The following SORCS2 variants were observed in gnomAD, a reference collection of about 807,000 sequenced individuals.
The protein encoded by SORCS2 is sortilin related VPS10 domain containing receptor 2.
A neutral mutation model predicts 141.6 loss-of-function variants in SORCS2; 100 were observed. The observed-to-expected ratio is 0.71, with a 90% CI of 0.60 to 0.83. SORCS2 has a LOEUF of 0.83. SORCS2 is among the 40% of genes least tolerant of loss of function. The pLI, the probability that SORCS2 is intolerant of heterozygous loss-of-function variation, is 0.00. For missense variants in SORCS2, 1,646 were observed against 1,560.2 expected (o/e 1.05, Z -0.93); for synonymous variants, 789 against 676.9 (o/e 1.17, Z -2.57).
intron 15 of SORCS2, among the ~76,000 whole-genome samples, chr4:7,713,982 T>C (rs139301770): frequency 1.8e-4 from 28 of 152,288 alleles, no homozygotes; most frequent in Non-Finnish European, 2.6e-4. Flanking sequence ...GGGCTGCACT[T>C]CCAGCAGCTC....
At chr4:7,379,737 TG>T (rs1212217923) in intron 1 of SORCS2, among the ~76,000 whole-genome samples, 8 of 152,158 alleles carry the variant, frequency 5.3e-5, no homozygotes, top group African/African-American at 1.9e-4. Context: ...AGGGACTCAC[TG>T]GGAAATATGT....
intron 2 of SORCS2, among the ~76,000 whole-genome samples, chr4:7,403,976 TA>T (rs1560256607): frequency 0.039 from 269 of 6,850 alleles, 12 homozygotes; most frequent in Non-Finnish European, 0.069. Context: ...TATATATATA[TA>T]TATATATATA....
chr4:7,531,220 G>C lies in SORCS2; in HGVS notation c.549-310G>C, dbSNP rs183215194. Among the ~76,000 whole-genome samples the C allele has an allele frequency of 6.2e-4, 95 of 152,356 alleles. No homozygotes were observed. In the South Asian group the frequency reaches 0.013, roughly 21 times the overall value. On this transcript the variant is annotated intron_variant, in intron 2 of 26. Coordinates refer to ENST00000507866, the MANE Select transcript of SORCS2 (RefSeq NM_020777.3). ...GAGATGCATGTGGTAACCTAGAGCT[G>C]CCCGGCTCATAGGAGGCATGGGGGA...
chr4:7,686,644 C>T (rs1157999448), intron 10 of SORCS2, among the ~76,000 whole-genome samples: 2 of 152,212 alleles, frequency 1.3e-5, no homozygotes, highest in African/African-American at 2.4e-5. Context: ...GCACCCAAGG[C>T]GGGTTCTGGG....
intron 1 of SORCS2, among the ~76,000 whole-genome samples, chr4:7,288,501 G>A (rs1270825291): frequency 7.3e-6 from 1 of 137,318 alleles, no homozygotes; most frequent in East Asian, 2.4e-4. Flanking sequence ...CGTCTGGTGA[G>A]GACATCTTCC....
rs1391510974 is a variant in SORCS2, at chr4:7,664,267, A to G, written c.953-86A>G. On this transcript the variant is annotated intron_variant, in intron 6 of 26. Coordinates refer to ENST00000507866, the MANE Select transcript of SORCS2 (RefSeq NM_020777.3). This position sits in a 1 kb window ranked among gnomAD's most constrained non-coding sequence, Gnocchi z 4.7. Reference sequence around the variant, plus strand: ...TGAAGCCACACCACAGCGGTATTGGAGGAAGATGGAGTCCAGCACATGTCT... The same window carrying G: ...TGAAGCCACACCACAGCGGTATTGGGGGAAGATGGAGTCCAGCACATGTCT... The G allele has an allele frequency of 2.9e-6, 3 of 1,047,146 alleles. No homozygotes were observed. In the Admixed American group the frequency reaches 6.4e-5, roughly 22 times the overall value. 64.9% of individuals were successfully genotyped at this position (1,047,146 alleles called of 1,614,324 possible). A position where few individuals can be genotyped will look rare whatever the true frequency, so the allele number is the denominator to read the frequency against.
At chr4:7,246,407 A>G (rs1713091450) in intron 1 of SORCS2, among the ~76,000 whole-genome samples, 1 of 151,954 alleles carries the variant, frequency 6.6e-6, no homozygotes, top group Admixed American at 6.6e-5. Flanking sequence ...CGGGGCTTAA[A>G]TGAACCCACA....
At chr4:7,661,674 G>A in intron 6 of SORCS2, 110 bp downstream of exon 6, 2 of 1,007,014 alleles carry the variant, frequency 2.0e-6, no homozygotes, top group Non-Finnish European at 3.0e-6. Flanking sequence ...GCCCTACACA[G>A]CCGGCCTCAC....
rs554428259 is a variant in SORCS2, at chr4:7,739,839, G to A, written c.3416-361G>A. On this transcript the variant is annotated intron_variant, in intron 26 of 26. Transcript: ENST00000507866. ...GCCTCCCGGGGCCTCGCCACTCTACGCCCTGCAGCGCCCACTGCCAGGAGG... is the reference window on the plus strand; with the variant it reads ...GCCTCCCGGGGCCTCGCCACTCTACACCCTGCAGCGCCCACTGCCAGGAGG... Among the ~76,000 whole-genome samples the A allele has an allele frequency of 2.2e-4, 33 of 152,174 alleles. No homozygotes were observed. In the South Asian group the frequency reaches 5.6e-3, roughly 26 times the overall value.
chr4:7,296,896 C>T (rs1456939345), intron 1 of SORCS2, among the ~76,000 whole-genome samples: 1 of 152,200 alleles, frequency 6.6e-6, no homozygotes, highest in Admixed American at 6.5e-5. Context: ...CTCCCCAGCC[C>T]CCTCTGGCCA....
intron 1 of SORCS2, among the ~76,000 whole-genome samples, chr4:7,334,813 C>T (rs919871048): frequency 1.3e-5 from 2 of 151,958 alleles, no homozygotes; most frequent in Non-Finnish European, 1.5e-5. Context: ...GAAGAGGTGA[C>T]GTGTGAGCAG....
Position 7,424,939 on chromosome 4 carries a change from T to G in SORCS2, c.548+28584T>G, listed in dbSNP as rs564149231. Reference sequence around the variant, plus strand: ...GCACTCTGCTCCCAGGACACTGGCATGGGTGCTGTGCCCCGGAGGGCCGCG... The same window carrying G: ...GCACTCTGCTCCCAGGACACTGGCAGGGGTGCTGTGCCCCGGAGGGCCGCG... On this transcript the variant is annotated intron_variant, in intron 2 of 26. Coordinates refer to ENST00000507866, the MANE Select transcript of SORCS2 (RefSeq NM_020777.3). Among the ~76,000 whole-genome samples, 4 of 152,340 alleles carry G rather than the reference T, an allele frequency of 2.6e-5. No individual in the cohort carries two copies. In the South Asian group the frequency reaches 8.3e-4, roughly 32 times the overall value.
intron 2 of SORCS2, among the ~76,000 whole-genome samples, chr4:7,426,997 C>T (rs1726487786): frequency 6.6e-6 from 1 of 152,170 alleles, no homozygotes; most frequent in African/African-American, 2.4e-5. Flanking sequence ...GGGCCCCTCC[C>T]ACCAAGGAAG....
chr4:7,441,115 C>T (rs571789328), intron 2 of SORCS2, among the ~76,000 whole-genome samples: 7 of 152,222 alleles, frequency 4.6e-5, no homozygotes, highest in East Asian at 1.9e-4. Flanking sequence ...GAGGGGGACT[C>T]GGCAAGGGCG....
chr4:7,378,469 G>A (rs1225019991), intron 1 of SORCS2, among the ~76,000 whole-genome samples: 2 of 152,170 alleles, frequency 1.3e-5, no homozygotes, highest in Non-Finnish European at 2.9e-5. Flanking sequence ...TCTTCACATG[G>A]CATCAGGAGA....
At chr4:7,721,956 G>GT (rs1726615845) in intron 18 of SORCS2, among the ~76,000 whole-genome samples, 1 of 152,174 alleles carries the variant, frequency 6.6e-6, no homozygotes, top group Non-Finnish European at 1.5e-5. Flanking sequence ...GATGTGAATG[G>GT]AGGGTATTAT....
chr4:7,551,906 G>T lies in SORCS2; in HGVS notation c.648+20277G>T, dbSNP rs576541324. Among the ~76,000 whole-genome samples the T allele has an allele frequency of 1.1e-3, 171 of 152,352 alleles. 1 individual carries two copies. Among genetic ancestry groups the T allele is most frequent in the Non-Finnish European group, 2.2e-3 (152 of 68,038 alleles). On this transcript the variant is annotated intron_variant, in intron 3 of 26. Transcript: ENST00000507866. ...AATACCACCGTGTAATTACTCTGGT[G>T]TAAGAGAATAATTACATGGGTAATT...
chr4:7,608,654 G>A (rs1039077955), intron 3 of SORCS2, among the ~76,000 whole-genome samples: 1 of 152,224 alleles, frequency 6.6e-6, no homozygotes, highest in Admixed American at 6.5e-5. Context: ...AGCACCTGGA[G>A]GTGCCCACTG....
At chr4:7,382,959 G>C (rs568141658) in intron 1 of SORCS2, among the ~76,000 whole-genome samples, 1 of 152,228 alleles carries the variant, frequency 6.6e-6, no homozygotes, top group East Asian at 1.9e-4. Flanking sequence ...AAAATGTTTT[G>C]ATCTATAATA....
Sources: gnomAD v4.1 joint callset for allele counts (sites outside exome capture counted in the v4.1 genomes callset) on GRCh38, gnomAD v4.1.1 for gene constraint, Gnocchi (gnomAD v3.1) non-coding constraint, MANE v1.5 for transcripts, NCBI Gene and HGNC (gene_info 2026-07-23, HGNC 2026-07-21) for gene names.